The following LINGO2 variants were observed in gnomAD, a reference collection of about 807,000 sequenced individuals.
LINGO2 encodes the protein leucine rich repeat and Ig domain containing 2, also known as leucine-rich repeat and immunoglobulin-like domain-containing nogo receptor-interacting protein 2.
Under a neutral mutation model 30.6 loss-of-function variants are expected in LINGO2, and 14 were observed. The observed-to-expected ratio is 0.46, with a 90% CI of 0.30 to 0.72. The LOEUF (loss-of-function observed/expected upper bound fraction) is 0.72, where lower values mean the gene tolerates loss of function less well. LINGO2 is among the 30% of genes least tolerant of loss of function. The pLI is 0.07. For synonymous variants in LINGO2, 317 were observed against 288.5 expected, an observed-to-expected ratio of 1.10 and a Z score of -1.00; for missense variants, 729 against 751.7, an observed-to-expected ratio of 0.97 and a Z score of 0.35.
At chr9:28,571,106 G>C (rs1233221609) in intron 1 of LINGO2, among the ~76,000 whole-genome samples, 1 of 152,028 alleles carries the variant, frequency 6.6e-6, no homozygotes, top group East Asian at 1.9e-4. Flanking sequence ...CCATGATGTA[G>C]ACTGAGCAGC....
the LINGO2 span, among the ~76,000 whole-genome samples, chr9:28,827,954 A>G: frequency 1.3e-5 from 2 of 152,236 alleles, no homozygotes; most frequent in South Asian, 4.1e-4. Context: ...ATAACAGTAT[A>G]CACAATCTAT....
intron 4 of LINGO2, among the ~76,000 whole-genome samples, chr9:28,081,283 C>T (rs1265239534): frequency 1.7e-5 from 2 of 118,766 alleles, no homozygotes; most frequent in Non-Finnish European, 3.7e-5. Context: ...GGTTAAGATT[C>T]AATACTCAAA....
intron 1 of LINGO2, among the ~76,000 whole-genome samples, chr9:28,543,928 G>C (rs1587831457): frequency 6.6e-6 from 1 of 151,962 alleles, no homozygotes; most frequent in East Asian, 1.9e-4. Context: ...TTTTAGGCTG[G>C]ACACAGTGGC....
intron 4 of LINGO2, among the ~76,000 whole-genome samples, chr9:28,224,231 A>G: frequency 6.6e-6 from 1 of 151,854 alleles, no homozygotes. Flanking sequence ...TGCCCAGTTA[A>G]TTTTTTCTAT....
the LINGO2 span, among the ~76,000 whole-genome samples, chr9:28,880,047 G>T: frequency 0.14 from 21,280 of 152,042 alleles, 2,160 homozygotes; most frequent in African/African-American, 0.29. Flanking sequence ...TTTTATTGAC[G>T]ATGTATTAGG....
chr9:28,278,203 AT>A (rs1317488017), intron 4 of LINGO2, among the ~76,000 whole-genome samples: 1 of 152,248 alleles, frequency 6.6e-6, no homozygotes, highest in African/African-American at 2.4e-5. Context: ...AGGCTGGCTC[AT>A]GAAGCTTAAC....
chr9:28,008,804 T>C (rs1822400189), intron 5 of LINGO2, among the ~76,000 whole-genome samples: 2 of 152,114 alleles, frequency 1.3e-5, no homozygotes. Flanking sequence ...GTTCACCGAT[T>C]GAAAGGTTTA....
At chr9:28,196,842 C>CA (rs1328830147) in intron 4 of LINGO2, among the ~76,000 whole-genome samples, 3 of 151,514 alleles carry the variant, frequency 2.0e-5, no homozygotes, top group East Asian at 1.9e-4. Context: ...ATGTAGGAGC[C>CA]AAAAAAATAT....
chr9:28,833,098 C>T, the LINGO2 span, among the ~76,000 whole-genome samples: 1 of 152,092 alleles, frequency 6.6e-6, no homozygotes, highest in Non-Finnish European at 1.5e-5. Flanking sequence ...GGAACCAGAC[C>T]TCATCCTCCA....
chr9:28,562,457 C>CAAAAAAAAAAAAAA (rs56998877), intron 1 of LINGO2, among the ~76,000 whole-genome samples: 3 of 109,194 alleles, frequency 2.7e-5, no homozygotes, highest in East Asian at 2.8e-4. Context: ...CATTTACTTT[C>CAAAAAAAAAAAAAA]AAAAAAAAAA....
the LINGO2 span, among the ~76,000 whole-genome samples, chr9:29,062,942 C>G: frequency 1.3e-5 from 2 of 152,092 alleles, no homozygotes; most frequent in Admixed American, 1.3e-4. Flanking sequence ...CTGGAGGGAA[C>G]CAAAGACCAG....
rs1026974203 is a variant in LINGO2, at chr9:28,129,996, T to G, written c.-86-117591A>C. Among the ~76,000 whole-genome samples, 1 of 152,240 alleles carries G rather than the reference T, an allele frequency of 6.6e-6. No individual in the cohort carries two copies. The highest frequency in any genetic ancestry group is 1.5e-5 in the Non-Finnish European group (1 of 68,046). ...AGTAACTTCTATTTTAGTAGACTTT[T>G]TTCCTCTAAAATTCAAGAAGCCACA... On this transcript the variant is annotated intron_variant, in intron 4 of 5. Coordinates refer to ENST00000379992, the Ensembl canonical transcript of LINGO2. This position sits in a 1 kb window ranked among gnomAD's most constrained non-coding sequence, Gnocchi z 4.0.
chr9:28,743,712 T>G, the LINGO2 span, among the ~76,000 whole-genome samples: 1 of 151,950 alleles, frequency 6.6e-6, no homozygotes, highest in Non-Finnish European at 1.5e-5. Context: ...TTTTTTTGTT[T>G]TTTTGTTTTC....
At chr9:28,310,846 T>C (rs964258444) in intron 3 of LINGO2, among the ~76,000 whole-genome samples, 4 of 152,150 alleles carry the variant, frequency 2.6e-5, no homozygotes, top group African/African-American at 9.7e-5. Context: ...AGAAACATTG[T>C]CCCCAATCTG....
chr9:27,986,740 G>A (rs1043895464), intron 5 of LINGO2, among the ~76,000 whole-genome samples: 20 of 151,812 alleles, frequency 1.3e-4, no homozygotes, highest in Non-Finnish European at 2.2e-4. Context: ...GTTTCCTAAA[G>A]ATGTAGAGGT....
chr9:28,493,942 T>A (rs937152673), intron 1 of LINGO2, among the ~76,000 whole-genome samples: 2 of 152,124 alleles, frequency 1.3e-5, no homozygotes, highest in African/African-American at 4.8e-5. Flanking sequence ...GCTTCCTCTC[T>A]CCTCAGCTTG....
intron 1 of LINGO2, among the ~76,000 whole-genome samples, chr9:28,637,990 C>T (rs1310652463): frequency 6.6e-6 from 1 of 152,108 alleles, no homozygotes; most frequent in Non-Finnish European, 1.5e-5. Flanking sequence ...TTTTGAGATA[C>T]AACCCATCAA....
At chr9:28,935,890 G>A in the LINGO2 span, among the ~76,000 whole-genome samples, 1 of 151,914 alleles carries the variant, frequency 6.6e-6, no homozygotes, top group Non-Finnish European at 1.5e-5. Context: ...TAATATAAAA[G>A]GGACAGCTAG....
At chr9:28,191,622 A>G (rs1177718933) in intron 4 of LINGO2, among the ~76,000 whole-genome samples, 6 of 151,968 alleles carry the variant, frequency 3.9e-5, no homozygotes, top group Non-Finnish European at 8.8e-5. Context: ...ATGAGCATCT[A>G]TTATGTACAT....
Sources: allele counts gnomAD v4.1 joint callset (sites outside exome capture counted in the v4.1 genomes callset), GRCh38; gene constraint gnomAD v4.1.1; non-coding constraint Gnocchi (gnomAD v3.1); transcripts MANE v1.5; gene names NCBI Gene and HGNC (gene_info 2026-07-23, HGNC 2026-07-21).